The following CLIP1 variants were observed in gnomAD, a reference collection of about 807,000 sequenced individuals.
The protein encoded by CLIP1 is CAP-Gly domain-containing linker protein 1.
A neutral mutation model predicts 161.6 loss-of-function variants in CLIP1; 66 were observed. The observed-to-expected ratio is 0.41, with a 90% CI of 0.33 to 0.50. CLIP1 has a LOEUF of 0.50. CLIP1 is among the 20% of genes least tolerant of loss of function. The pLI is 0.27. For missense variants in CLIP1, 1,376 were observed against 1,702.0 expected, an observed-to-expected ratio of 0.81 and a Z score of 3.37; for synonymous variants, 598 against 626.2, an observed-to-expected ratio of 0.96 and a Z score of 0.67.
chr12:122,390,253 C>CACAT (rs1413340092), intron 1 of CLIP1, among the ~76,000 whole-genome samples: 1,476 of 90,642 alleles, frequency 0.016, 14 homozygotes, highest in East Asian at 0.041. Context: ...TATATATACA[C>CACAT]ATATATACAC....
At chr12:122,335,500 C>G (rs1054680092) in intron 12 of CLIP1, among the ~76,000 whole-genome samples, 3 of 151,432 alleles carry the variant, frequency 2.0e-5, no homozygotes, top group African/African-American at 7.3e-5. Flanking sequence ...GCAATGAACT[C>G]AAAACATTTT....
chr12:122,278,260 T>C (rs1401196456), intron 23 of CLIP1, 57 bp from the exon 24 acceptor site: 2 of 1,467,274 alleles, frequency 1.4e-6, no homozygotes, highest in Non-Finnish European at 1.9e-6. Context: ...ATGTATATTT[T>C]TAATCACAAT....
chr12:122,422,633 G>GCGCCGC lies in CLIP1; in HGVS notation c.-225_-220dup, dbSNP rs976799843. On this transcript the variant is annotated 5_prime_UTR_variant, in exon 1 of 26. Transcript: ENST00000620786. ...GGCTCGGGGCGGGGGAGAGCGTGAC[G>GCGCCGC]CGCCGCCGCCGCCGCGGGGCCGGGC... 3.4e-5 allele frequency: 5 copies of GCGCCGC among 146,576 alleles called. No homozygotes were observed. The highest frequency in any genetic ancestry group is 1.2e-4 in the African/African-American group (5 of 40,672). The allele number at this position is 146,576 out of a possible 1,614,324, so 9.1% of individuals were successfully genotyped here.
At chr12:122,317,417 G>A (rs983020145) in intron 18 of CLIP1, among the ~76,000 whole-genome samples, 10 of 152,214 alleles carry the variant, frequency 6.6e-5, no homozygotes, top group East Asian at 1.9e-4. Flanking sequence ...AAGCCATGTC[G>A]TGGGACTGAA....
In CLIP1 at chr12:122,341,299, C is replaced by A; in HGVS notation, c.1905G>T (p.Gln635His). The change falls in exon 11 of 26, where the codon CAG becomes CAT. Residue 635 changes from glutamine (Q) to histidine (H), a missense_variant. This residue lies in a region of CLIP1 where 948 missense variants were observed against 1,134.8 expected (regional missense o/e 0.84). Coordinates refer to ENST00000620786, the MANE Select transcript of CLIP1 (RefSeq NM_001247997.2). Reference protein sequence around the residue: ...SKLETAIASHQQAMEELKVSF... With the variant: ...SKLETAIASHHQAMEELKVSF... ...ATACCTTCAGTTCTTCCATCGCCTG[C>A]TGGTGGGATGCGATGGCAGTCTCCA... 6.2e-7 allele frequency: 1 copy of A among 1,613,932 alleles called. No homozygotes were observed. The highest frequency in any genetic ancestry group is 8.5e-7 in the Non-Finnish European group (1 of 1,179,844).
chr12:122,313,833 T>A (rs1951159256), intron 19 of CLIP1, among the ~76,000 whole-genome samples: 1 of 152,034 alleles, frequency 6.6e-6, no homozygotes, highest in Non-Finnish European at 1.5e-5. Context: ...AAAGGTGATC[T>A]CACTGGAATA....
chr12:122,410,201 T>C (rs1956477555), intron 1 of CLIP1, among the ~76,000 whole-genome samples: 1 of 151,950 alleles, frequency 6.6e-6, no homozygotes, highest in South Asian at 2.1e-4. Context: ...TGCAATCCAT[T>C]AACAGCTACA....
Position 122,355,108 on chromosome 12 carries a change from A to C in CLIP1, c.1203+7T>G. On this transcript the variant is annotated splice_region_variant and intron_variant, in intron 6 of 25. Transcript: ENST00000620786. This position sits in a 1 kb window ranked among gnomAD's most constrained non-coding sequence, Gnocchi z 4.1. The stretch of plus-strand genomic sequence containing the variant: ...TCACCATCTCCGCAACAAGGTCCAG[A>C]CTTCACCTGGTCATGTCCGTCCCGG... The C allele has an allele frequency of 6.2e-7, 1 of 1,613,184 alleles. No individual in the cohort carries two copies. The highest frequency in any genetic ancestry group is 8.5e-7 in the Non-Finnish European group (1 of 1,179,520).
chr12:122,332,205 G>C (rs113704567), intron 15 of CLIP1, among the ~76,000 whole-genome samples: 1 of 150,076 alleles, frequency 6.7e-6, no homozygotes, highest in African/African-American at 2.5e-5. Context: ...TGAAGCAGGA[G>C]AATTGCTTGA....
intron 1 of CLIP1, among the ~76,000 whole-genome samples, chr12:122,402,181 T>G (rs1956166582): frequency 6.6e-6 from 1 of 152,128 alleles, no homozygotes; most frequent in Non-Finnish European, 1.5e-5. Context: ...TGATATAGTT[T>G]ATTTAGCCCA....
rs548507243 is a variant in CLIP1 at position 122,276,120 on chromosome 12, A to G, written c.3967-1958T>C. Among the ~76,000 whole-genome samples, 304 of 152,362 alleles carry G rather than the reference A, an allele frequency of 2.0e-3. 4 individuals carry two copies. Among genetic ancestry groups the G allele is most frequent in the African/African-American group, 7.1e-3 (294 of 41,580 alleles). ...TACAATATTTAAAATATATATAGATATACACACACATATACATAAATATTT... is the reference window on the plus strand; with the variant it reads ...TACAATATTTAAAATATATATAGATGTACACACACATATACATAAATATTT... On this transcript the variant is annotated intron_variant, in intron 24 of 25. Coordinates refer to ENST00000620786, the MANE Select transcript of CLIP1 (RefSeq NM_001247997.2).
At chr12:122,422,479 G>A (rs1284240699) in intron 1 of CLIP1, 42 bp downstream of exon 1, 2 of 151,814 alleles carry the variant, frequency 1.3e-5, no homozygotes, top group African/African-American at 4.8e-5. Context: ...GGGAGCAGGG[G>A]GTGCCGGGAA....
intron 9 of CLIP1, among the ~76,000 whole-genome samples, chr12:122,350,165 A>C (rs994267649): frequency 6.6e-6 from 1 of 152,094 alleles, no homozygotes; most frequent in African/African-American, 2.4e-5. Flanking sequence ...TCAACCTCCC[A>C]AAGTGCTGGG....
At chr12:122,313,064 T>C (rs1293443434) in intron 19 of CLIP1, among the ~76,000 whole-genome samples, 1 of 152,126 alleles carries the variant, frequency 6.6e-6, no homozygotes, top group Non-Finnish European at 1.5e-5. Context: ...GGGCAGGGGC[T>C]TTTTCAACCT....
intron 1 of CLIP1, among the ~76,000 whole-genome samples, chr12:122,420,513 C>T (rs1247192155): frequency 1.3e-5 from 2 of 152,200 alleles, no homozygotes; most frequent in Non-Finnish European, 2.9e-5. Flanking sequence ...CAGGGTCCCA[C>T]CCGGTTTCAG....
At chr12:122,283,086 C>T (rs1032187440) in intron 21 of CLIP1, among the ~76,000 whole-genome samples, 8 of 152,176 alleles carry the variant, frequency 5.3e-5, no homozygotes, top group South Asian at 2.1e-4. Flanking sequence ...ATCCATGCCT[C>T]GCGCCTTTGG....
intron 15 of CLIP1, among the ~76,000 whole-genome samples, chr12:122,332,576 C>A (rs1274566233): frequency 1.3e-5 from 2 of 152,172 alleles, no homozygotes; most frequent in Middle Eastern, 3.4e-3. Context: ...CTTGCACCAC[C>A]ACGCCTGGCT....
intron 24 of CLIP1, chr12:122,274,417 T>C: frequency 3.2e-6 from 1 of 314,078 alleles, no homozygotes; most frequent in Non-Finnish European, 6.0e-6. Flanking sequence ...CCCTCACACC[T>C]TTCAGATTTC....
intron 20 of CLIP1, among the ~76,000 whole-genome samples, chr12:122,294,336 A>AAC (rs1950383553): frequency 7.0e-6 from 1 of 142,962 alleles, no homozygotes; most frequent in South Asian, 2.2e-4. Flanking sequence ...CTCAAAAAAA[A>AAC]AAAAAAACAA....
Sources: gnomAD v4.1 joint callset for allele counts (sites outside exome capture counted in the v4.1 genomes callset) on GRCh38, gnomAD v4.1.1 for gene constraint, gnomAD v4.1.1 regional missense constraint, Gnocchi (gnomAD v3.1) non-coding constraint, MANE v1.5 for transcripts, NCBI Gene and HGNC (gene_info 2026-07-23, HGNC 2026-07-21) for gene names.